IFT88: variants seen among roughly 807,000 people sequenced by gnomAD.
IFT88 encodes intraflagellar transport 88, also known as intraflagellar transport protein 88 homolog.
Under a neutral mutation model 119.5 loss-of-function variants are expected in IFT88, and 74 were observed. The observed-to-expected ratio is 0.62, with a 90% CI of 0.51 to 0.75. The LOEUF (loss-of-function observed/expected upper bound fraction) is 0.75. Ranked by LOEUF, IFT88 falls within the 30% of genes least tolerant of loss-of-function variation. The pLI is 0.00. For synonymous variants in IFT88, 279 were observed against 316.7 expected (o/e 0.88, Z 1.26); for missense variants, 961 against 977.7 (o/e 0.98, Z 0.23).
At chr13:20,641,467 A>G (rs2049951669) in intron 18 of IFT88, 69 bp downstream of exon 18, 1 of 922,956 alleles carries the variant, frequency 1.1e-6, no homozygotes, top group Non-Finnish European at 1.7e-6. Context: ...TCAATTATTA[A>G]ATAAGTTTAA....
chr13:20,597,123 A>G lies in IFT88; in HGVS notation c.594+4A>G. 1.3e-6 allele frequency: 2 copies of G among 1,513,028 alleles called. No homozygotes were observed. The highest frequency in any genetic ancestry group is 1.8e-6 in the Non-Finnish European group (2 of 1,101,394). The allele number at this position is 1,513,028 out of a possible 1,614,324, so 93.7% of individuals were successfully genotyped here. A position where few individuals can be genotyped will look rare whatever the true frequency, so the allele number is the denominator to read the frequency against. ...CAATTTGGATTTAACTTACTCAGTAAGTATTGAAATATAACACAATTTTTA... is the reference window on the plus strand; with the variant it reads ...CAATTTGGATTTAACTTACTCAGTAGGTATTGAAATATAACACAATTTTTA... On this transcript the variant is annotated splice_donor_region_variant and intron_variant, in intron 9 of 25. Coordinates refer to ENST00000351808, the MANE Select transcript of IFT88 (RefSeq NM_006531.5).
chr13:20,601,700 T>G lies in IFT88; in HGVS notation c.813-5T>G, dbSNP rs1473205133. 6.4e-7 allele frequency: 1 copy of G among 1,565,774 alleles called. No individual in the cohort carries two copies. Among genetic ancestry groups the G allele is most frequent in the African/African-American group, 1.4e-5 (1 of 73,838 alleles). On this transcript the variant is annotated splice_region_variant and splice_polypyrimidine_tract_variant and intron_variant, in intron 11 of 25. Transcript: ENST00000351808. The stretch of plus-strand genomic sequence containing the variant: ...TTAAAGCTAATCCATGTCTTTTTCT[T>G]TTAGGATTAAAATAATGCAGAATAT...
At chr13:20,578,358 C>CTTTTTTT (rs1158499742) in intron 2 of IFT88, among the ~76,000 whole-genome samples, 59 of 78,676 alleles carry the variant, frequency 7.5e-4, no homozygotes, top group East Asian at 1.1e-3. Flanking sequence ...AGTCTTGTTA[C>CTTTTTTT]TTTTTTTTTT....
chr13:20,688,790 T>C (rs1212596310), intron 24 of IFT88, among the ~76,000 whole-genome samples: 1 of 152,134 alleles, frequency 6.6e-6, no homozygotes, highest in East Asian at 1.9e-4. Flanking sequence ...GCAGTGGTGC[T>C]GTCATAGCTC....
chr13:20,673,611 C>T (rs146912482), intron 24 of IFT88, among the ~76,000 whole-genome samples: 1 of 152,218 alleles, frequency 6.6e-6, no homozygotes, highest in Non-Finnish European at 1.5e-5. Flanking sequence ...CGGCCAGGGA[C>T]CTCCTCCACG....
At chr13:20,574,015 T>TA (rs1398803113) in intron 1 of IFT88, among the ~76,000 whole-genome samples, 1 of 152,228 alleles carries the variant, frequency 6.6e-6, no homozygotes, top group Non-Finnish European at 1.5e-5. Context: ...ATTAAATAGT[T>TA]ATACTTTATT....
intron 14 of IFT88, among the ~76,000 whole-genome samples, chr13:20,616,180 G>A (rs1360334376): frequency 6.6e-6 from 1 of 152,148 alleles, no homozygotes; most frequent in Non-Finnish European, 1.5e-5. Context: ...CACTAGTGAC[G>A]TTGTAGCTGT....
At chr13:20,618,307 C>T (rs2045961424) in intron 14 of IFT88, among the ~76,000 whole-genome samples, 1 of 152,182 alleles carries the variant, frequency 6.6e-6, no homozygotes, top group African/African-American at 2.4e-5. Flanking sequence ...TCTGGCTCCC[C>T]ACATCTTTCT....
chr13:20,682,368 A>G (rs9552258), intron 24 of IFT88, among the ~76,000 whole-genome samples: 150,633 of 152,376 alleles, frequency 0.99, 74,476 homozygotes, highest in East Asian at 1. Context: ...TCAGCTGTAA[A>G]TCTGCCTCAG....
chr13:20,634,250 C>T (rs551224015), intron 16 of IFT88, among the ~76,000 whole-genome samples: 14 of 152,252 alleles, frequency 9.2e-5, no homozygotes, highest in African/African-American at 1.9e-4. Flanking sequence ...ATGAGTCGTA[C>T]GTGAATCCTG....
rs1594541733 is a variant in IFT88 at position 20,641,429 on chromosome 13, A to G, written c.1682+31A>G. The G allele has an allele frequency of 6.9e-6, 9 of 1,309,576 alleles. No individual in the cohort carries two copies. The East Asian group carries it at 1.9e-4, about 28-fold the overall frequency. The allele number at this position is 1,309,576 out of a possible 1,614,324, so 81.1% of individuals were successfully genotyped here. A position where few individuals can be genotyped will look rare whatever the true frequency, so the allele number is the denominator to read the frequency against. On this transcript the variant is annotated intron_variant, in intron 18 of 25. Coordinates refer to ENST00000351808, the MANE Select transcript of IFT88 (RefSeq NM_006531.5). The stretch of plus-strand genomic sequence containing the variant: ...TTATTTGAAAACCTTAGGGACAGTT[A>G]TTAATTCTCTCAATTGGTGATTGAA...
chr13:20,643,617 A>G lies in IFT88; in HGVS notation c.1833+12A>G. ...AATATTACTATGAGGTAGGTGTGTT[A>G]TCTTAATTTCCTTCTGTGTTTTAGC... On this transcript the variant is annotated intron_variant, in intron 19 of 25. Coordinates refer to ENST00000351808, the MANE Select transcript of IFT88 (RefSeq NM_006531.5). The G allele has an allele frequency of 1.3e-6, 2 of 1,564,646 alleles. No individual in the cohort carries two copies. Among genetic ancestry groups the G allele is most frequent in the African/African-American group, 1.4e-5 (1 of 73,046 alleles).
intron 13 of IFT88, among the ~76,000 whole-genome samples, chr13:20,610,609 C>A (rs1192014604): frequency 6.6e-6 from 1 of 150,806 alleles, no homozygotes; most frequent in Non-Finnish European, 1.5e-5. Flanking sequence ...AACATCAGTT[C>A]TACATTTCTT....
intron 23 of IFT88, 68 bp downstream of exon 23, chr13:20,663,672 G>A (rs1257918874): frequency 7.1e-6 from 8 of 1,119,340 alleles, no homozygotes; most frequent in South Asian, 7.0e-5. Flanking sequence ...TAGCTCAAAT[G>A]TGTGATGTTA....
At chr13:20,690,052 G>A (rs1048443713) in intron 24 of IFT88, among the ~76,000 whole-genome samples, 2 of 152,174 alleles carry the variant, frequency 1.3e-5, no homozygotes, top group African/African-American at 2.4e-5. Flanking sequence ...ATCTTAAAAT[G>A]TGGGGATTTT....
intron 15 of IFT88, among the ~76,000 whole-genome samples, chr13:20,627,664 G>T (rs2047546967): frequency 7.2e-6 from 1 of 138,470 alleles, no homozygotes; most frequent in South Asian, 2.3e-4. Context: ...CCAGGAGGCA[G>T]AAGTTGCAAT....
intron 3 of IFT88, among the ~76,000 whole-genome samples, chr13:20,584,059 A>C (rs922666571): frequency 6.6e-6 from 1 of 152,132 alleles, no homozygotes; most frequent in African/African-American, 2.4e-5. Context: ...AAATCAGGAA[A>C]TGTGAACCTT....
chr13:20,567,692 A>AT (rs2035173121), intron 1 of IFT88: 1 of 1,170,622 alleles, frequency 8.5e-7, no homozygotes, highest in African/African-American at 1.6e-5. Context: ...AAATTGCCTG[A>AT]TGAAAGTTGA....
intron 20 of IFT88, among the ~76,000 whole-genome samples, chr13:20,648,672 T>C (rs2051116234): frequency 6.6e-6 from 1 of 152,134 alleles, no homozygotes; most frequent in Admixed American, 6.6e-5. Flanking sequence ...TCCTTCTGTG[T>C]CAATAATCAC....
Sources: allele counts gnomAD v4.1 joint callset (sites outside exome capture counted in the v4.1 genomes callset), GRCh38; gene constraint gnomAD v4.1.1; transcripts MANE v1.5; gene names NCBI Gene and HGNC (gene_info 2026-07-23, HGNC 2026-07-21).